Variants in FRMD4A observed in about 807,000 individuals in gnomAD.
The protein encoded by FRMD4A is FERM domain containing 4A.
Under a neutral mutation model 129.1 loss-of-function variants are expected in FRMD4A, and 29 were observed. That is an observed-to-expected ratio of 0.22 (90% CI 0.17 to 0.31). The LOEUF (loss-of-function observed/expected upper bound fraction) is 0.31. Among genes scored for constraint, FRMD4A ranks in the 10% least tolerant of loss-of-function variants. The pLI, the probability that FRMD4A is intolerant of heterozygous loss-of-function variation, is 1.00. For synonymous variants in FRMD4A, 634 were observed against 571.6 expected, an observed-to-expected ratio of 1.11 and a Z score of -1.56; for missense variants, 1,272 against 1,375.8, an observed-to-expected ratio of 0.92 and a Z score of 1.19.
intron 2 of FRMD4A, among the ~76,000 whole-genome samples, chr10:14,276,610 A>G (rs1845350597): frequency 6.6e-6 from 1 of 152,130 alleles, no homozygotes; most frequent in Non-Finnish European, 1.5e-5. Flanking sequence ...GGGAAGCCCA[A>G]AGTTGGGTAA....
intron 2 of FRMD4A, among the ~76,000 whole-genome samples, chr10:13,920,655 C>A (rs2610815): frequency 6.6e-6 from 1 of 152,306 alleles, no homozygotes; most frequent in South Asian, 2.1e-4. Flanking sequence ...GTCATTACTG[C>A]GGTGTCAGAA....
At chr10:13,905,004 A>AAAAAAAG (rs2094866630) in intron 2 of FRMD4A, among the ~76,000 whole-genome samples, 5 of 151,148 alleles carry the variant, frequency 3.3e-5, no homozygotes, top group African/African-American at 7.3e-5. Flanking sequence ...AAAAAAAAAA[A>AAAAAAAG]AAAAAAGAAA....
chr10:13,901,608 C>CAA (rs35890520), intron 2 of FRMD4A, among the ~76,000 whole-genome samples: 20 of 120,786 alleles, frequency 1.7e-4, no homozygotes, highest in South Asian at 5.4e-4. Context: ...GACTTCATCT[C>CAA]AAAAAAAAAA....
In FRMD4A at chr10:13,646,264, A is replaced by G. The variant is rs1182920286; in HGVS notation, c.*774T>C. The G allele has an allele frequency of 6.6e-6, 1 of 152,658 alleles. No individual in the cohort carries two copies. Among genetic ancestry groups the G allele is most frequent in the Admixed American group, 6.5e-5 (1 of 15,286 alleles). The allele number at this position is 152,658 out of a possible 1,614,324, so 9.5% of individuals were successfully genotyped here. On this transcript the variant is annotated 3_prime_UTR_variant, in exon 25 of 25. Coordinates refer to ENST00000357447, the MANE Select transcript of FRMD4A (RefSeq NM_018027.5). ...GTGTGTAGTAGCAGTTCAGAATTTA[A>G]AAGAAATTTCCTTGCAGAAAGAATG...
chr10:14,178,672 T>C (rs1841813156), intron 2 of FRMD4A, among the ~76,000 whole-genome samples: 1 of 152,144 alleles, frequency 6.6e-6, no homozygotes, highest in African/African-American at 2.4e-5. Flanking sequence ...TTGATCAATG[T>C]TACCAAAGTA....
intron 2 of FRMD4A, among the ~76,000 whole-genome samples, chr10:14,272,187 G>C (rs1845184160): frequency 6.6e-6 from 1 of 152,094 alleles, no homozygotes; most frequent in Non-Finnish European, 1.5e-5. Context: ...ACCCCAGCTT[G>C]CAGTTATGCC....
rs1248340874 is a variant in FRMD4A at position 13,693,908 on chromosome 10, C to G, written c.1107G>C (p.Leu369=). 2 of 1,608,126 alleles carry G rather than the reference C, an allele frequency of 1.2e-6. No homozygotes were observed. Among genetic ancestry groups the G allele is most frequent in the African/African-American group, 1.3e-5 (1 of 74,436 alleles). The change falls in exon 15 of 25, where the codon CTG becomes CTC. Residue 369 remains leucine, a synonymous_variant. Transcript: ENST00000357447. ...CTGGCCTCTGCCTACCTGAAGACAG[C>G]AGGCTGCCGCTGCTGCCGCTGATGA... ...GKIISGSSGS[L]LSSGSQESDS... is the part of the protein sequence containing the mutation.
At chr10:13,879,679 CTTCT>C (rs36152830) in intron 2 of FRMD4A, among the ~76,000 whole-genome samples, 88,165 of 148,150 alleles carry the variant, frequency 0.6, 26,529 homozygotes, top group South Asian at 0.77. Flanking sequence ...CCTCCTCCTT[CTTCT>C]TTCTCTTCCT....
intron 2 of FRMD4A, among the ~76,000 whole-genome samples, chr10:14,308,779 C>A (rs1485857292): frequency 7.1e-6 from 1 of 140,372 alleles, no homozygotes; most frequent in Non-Finnish European, 1.7e-5. Flanking sequence ...ACAAACCAGT[C>A]CCCCATAATC....
chr10:14,215,518 G>A (rs10082427), intron 2 of FRMD4A, among the ~76,000 whole-genome samples: 1,635 of 152,058 alleles, frequency 0.011, 29 homozygotes, highest in African/African-American at 0.038. Flanking sequence ...CTAAAATAAC[G>A]AAAGTAATTT....
Position 14,238,401 on chromosome 10 carries a change from C to T in FRMD4A, c.45+91657G>A, listed in dbSNP as rs1843909639. ...AATTCGATAGTCACCAACTTCATTT[C>T]TTCCTTAGGAAAATAATTCCATACC... On this transcript the variant is annotated intron_variant, in intron 2 of 24. Transcript: ENST00000357447. 2.0e-5 allele frequency among the ~76,000 whole-genome samples: 3 copies of T among 152,314 alleles called. No homozygotes were observed. In the South Asian group the frequency reaches 6.2e-4, roughly 32 times the overall value.
intron 2 of FRMD4A, among the ~76,000 whole-genome samples, chr10:14,047,355 C>T (rs752608747): frequency 6.6e-5 from 10 of 152,062 alleles, no homozygotes; most frequent in South Asian, 2.1e-4. Flanking sequence ...AACAGTAACA[C>T]GGTTGCTATG....
intron 2 of FRMD4A, among the ~76,000 whole-genome samples, chr10:14,234,831 C>T (rs565079667): frequency 1.1e-3 from 163 of 152,346 alleles, no homozygotes; most frequent in African/African-American, 3.6e-3. Flanking sequence ...CATGGTCCCA[C>T]CTCTACTAAC....
intron 3 of FRMD4A, among the ~76,000 whole-genome samples, chr10:13,847,363 G>C (rs909477521): frequency 2.6e-5 from 4 of 152,186 alleles, no homozygotes; most frequent in Non-Finnish European, 4.4e-5. Flanking sequence ...AAGGGCGATA[G>C]GGAAGGCCCG....
At chr10:13,924,346 A>G (rs1317508871) in intron 2 of FRMD4A, among the ~76,000 whole-genome samples, 1 of 152,088 alleles carries the variant, frequency 6.6e-6, no homozygotes, top group Non-Finnish European at 1.5e-5. Context: ...AGCCTAAAAA[A>G]TCAACATTAT....
chr10:14,113,912 G>C (rs771993878), intron 2 of FRMD4A, among the ~76,000 whole-genome samples: 52 of 152,114 alleles, frequency 3.4e-4, no homozygotes, highest in Middle Eastern at 3.4e-3. Flanking sequence ...TCACATCTCC[G>C]AGCCTCTGCT....
chr10:13,681,390 T>G (rs544971095), intron 15 of FRMD4A, among the ~76,000 whole-genome samples: 71 of 152,328 alleles, frequency 4.7e-4, no homozygotes, highest in African/African-American at 1.5e-3. Context: ...AGAAGATGGA[T>G]GGAACCTCTT....
chr10:13,768,657 C>T (rs2092361930), intron 6 of FRMD4A, among the ~76,000 whole-genome samples: 1 of 152,168 alleles, frequency 6.6e-6, no homozygotes, highest in Admixed American at 6.6e-5. Context: ...ATAATAGTGG[C>T]ATGCCATTCT....
At chr10:13,864,338 C>CAAAAA (rs149602938) in intron 2 of FRMD4A, among the ~76,000 whole-genome samples, 27 of 114,652 alleles carry the variant, frequency 2.4e-4, no homozygotes, top group Non-Finnish European at 3.2e-4. Flanking sequence ...CATCTTGAGT[C>CAAAAA]AAAAAAAAAA....
Sources: gnomAD v4.1 joint callset for allele counts (sites outside exome capture counted in the v4.1 genomes callset) on GRCh38, gnomAD v4.1.1 for gene constraint, MANE v1.5 for transcripts, NCBI Gene and HGNC (gene_info 2026-07-23, HGNC 2026-07-21) for gene names.